The following PRKCA variants were observed in gnomAD, a reference collection of about 807,000 sequenced individuals.
The protein encoded by PRKCA is protein kinase C alpha type.
In PRKCA, 27 loss-of-function variants were observed where a neutral mutation model predicts 87.0. That is an observed-to-expected ratio of 0.31 (90% confidence interval 0.23 to 0.43). The LOEUF (loss-of-function observed/expected upper bound fraction) is 0.43, where lower values mean the gene tolerates loss of function less well. PRKCA is among the 20% of genes least tolerant of loss of function. PRKCA has a pLI of 1.00. For missense variants in PRKCA, 518 were observed against 852.3 expected (o/e 0.61, Z 4.88); for synonymous variants, 329 against 311.1 (o/e 1.06, Z -0.61).
chr17:66,415,349 T>C (rs1330497102), intron 2 of PRKCA: 2 of 152,188 alleles, frequency 1.3e-5, no homozygotes, highest in African/African-American at 4.8e-5. Context: ...AGGTTGATTC[T>C]GAATTGGCTC....
At chr17:66,779,158 G>A (rs776941830) in intron 14 of PRKCA, among the ~76,000 whole-genome samples, 1 of 152,206 alleles carries the variant, frequency 6.6e-6, no homozygotes, top group Non-Finnish European at 1.5e-5. Flanking sequence ...TAAGATTAAT[G>A]ATAAAGTCGT....
chr17:66,308,698 A>C (rs1351963745), intron 2 of PRKCA, among the ~76,000 whole-genome samples: 1 of 152,134 alleles, frequency 6.6e-6, no homozygotes, highest in African/African-American at 2.4e-5. Context: ...TCTAGTAGGC[A>C]TATGCTAGTC....
chr17:66,524,583 A>G (rs748326448), intron 3 of PRKCA, among the ~76,000 whole-genome samples: 2 of 152,162 alleles, frequency 1.3e-5, no homozygotes, highest in Non-Finnish European at 2.9e-5. Flanking sequence ...TAATTTTTCA[A>G]TCAGAACACC....
chr17:66,528,301 T>A (rs745790412), intron 3 of PRKCA, among the ~76,000 whole-genome samples: 6 of 150,974 alleles, frequency 4.0e-5, no homozygotes, highest in South Asian at 4.2e-4. Flanking sequence ...GGTATGTACA[T>A]GTGGTAGATA....
intron 11 of PRKCA, 54 bp from the exon 12 acceptor site, chr17:66,741,605 A>G (rs1317238678): frequency 8.3e-6 from 13 of 1,562,302 alleles, no homozygotes; most frequent in South Asian, 4.4e-5. Context: ...AATGTAAAGT[A>G]TACAGGCATC....
intron 3 of PRKCA, among the ~76,000 whole-genome samples, chr17:66,584,242 G>A (rs1006856919): frequency 6.6e-6 from 1 of 151,180 alleles, no homozygotes; most frequent in Non-Finnish European, 1.5e-5. Flanking sequence ...TTGTTTTTTC[G>A]ATGGAATCTC....
At chr17:66,702,401 A>C (rs980574463) in intron 8 of PRKCA, among the ~76,000 whole-genome samples, 1 of 152,128 alleles carries the variant, frequency 6.6e-6, no homozygotes, top group Non-Finnish European at 1.5e-5. Context: ...ACAGAATAGA[A>C]GTGTGGTTAC....
At chr17:66,467,885 A>C (rs2144000388) in intron 2 of PRKCA, among the ~76,000 whole-genome samples, 1 of 152,222 alleles carries the variant, frequency 6.6e-6, no homozygotes, top group South Asian at 2.1e-4. Flanking sequence ...ACAAAAACAA[A>C]AAATTAAAAA....
At chr17:66,715,480 T>C (rs1973450368) in intron 8 of PRKCA, among the ~76,000 whole-genome samples, 1 of 152,050 alleles carries the variant, frequency 6.6e-6, no homozygotes, top group East Asian at 1.9e-4. Flanking sequence ...CCTCACTGCC[T>C]CCCTTCCCCC....
chr17:66,782,292 TA>T (rs60097944), intron 14 of PRKCA, among the ~76,000 whole-genome samples: 27,027 of 150,368 alleles, frequency 0.18, 4,155 homozygotes, highest in African/African-American at 0.43. Context: ...TTATCACAAT[TA>T]AAAAAAAAAT....
rs150463434 is a variant in PRKCA, at chr17:66,804,528, G to A, written c.*491G>A. On this transcript the variant is annotated 3_prime_UTR_variant, in exon 17 of 17. Transcript: ENST00000413366. ...GGGGTGGGGGAGGCCTCAAAATACC[G>A]ACTGCGTCCATTCTCTGCCTCCATG... The A allele has an allele frequency of 1.1e-3, 172 of 153,566 alleles. No homozygotes were observed. The highest frequency in any genetic ancestry group is 0.011 in the East Asian group (57 of 5,188). 9.5% of individuals were successfully genotyped at this position (153,566 alleles called of 1,614,324 possible). A position where few individuals can be genotyped will look rare whatever the true frequency, so the allele number is the denominator to read the frequency against.
chr17:66,672,450 T>G (rs1032706931), intron 5 of PRKCA, among the ~76,000 whole-genome samples: 3 of 152,224 alleles, frequency 2.0e-5, no homozygotes, highest in African/African-American at 7.2e-5. Context: ...TGTGGTAAAC[T>G]TTTAGAGGAG....
At chr17:66,576,350 A>G (rs528923609) in intron 3 of PRKCA, among the ~76,000 whole-genome samples, 1 of 152,350 alleles carries the variant, frequency 6.6e-6, no homozygotes, top group South Asian at 2.1e-4. Context: ...CTGGCAAAGC[A>G]TAAAGAAGCT....
At chr17:66,690,144 C>A (rs1972740302) in intron 8 of PRKCA, among the ~76,000 whole-genome samples, 1 of 152,204 alleles carries the variant, frequency 6.6e-6, no homozygotes, top group Admixed American at 6.5e-5. Context: ...GAGAATGAAT[C>A]CCAAAGGATG....
At chr17:66,441,565 T>C (rs1367297278) in intron 2 of PRKCA, among the ~76,000 whole-genome samples, 1 of 152,166 alleles carries the variant, frequency 6.6e-6, no homozygotes, top group Non-Finnish European at 1.5e-5. Context: ...ACGACTCTCG[T>C]CTCAGAGCTG....
intron 8 of PRKCA, 126 bp from the exon 9 acceptor site, chr17:66,732,562 T>C: frequency 1.7e-6 from 2 of 1,172,366 alleles, no homozygotes; most frequent in African/African-American, 1.5e-5. Flanking sequence ...ATTCTCACCC[T>C]TTGTTCCTTT....
At chr17:66,578,185 T>C (rs945405442) in intron 3 of PRKCA, among the ~76,000 whole-genome samples, 3 of 151,718 alleles carry the variant, frequency 2.0e-5, no homozygotes, top group Non-Finnish European at 4.4e-5. Flanking sequence ...CCCTTTGATA[T>C]TTGCCTTTCA....
At chr17:66,415,554 C>A (rs1286096768) in intron 2 of PRKCA, 1 of 152,172 alleles carries the variant, frequency 6.6e-6, no homozygotes, top group Non-Finnish European at 1.5e-5. Flanking sequence ...AACCAAACGG[C>A]CAGATTTCTA....
chr17:66,342,358 G>T (rs1452478796), intron 2 of PRKCA, among the ~76,000 whole-genome samples: 1 of 151,672 alleles, frequency 6.6e-6, no homozygotes, highest in East Asian at 1.9e-4. Flanking sequence ...GGAGGCGGAG[G>T]TTGCAGTGAG....
Sources: allele counts gnomAD v4.1 joint callset (sites outside exome capture counted in the v4.1 genomes callset), GRCh38; gene constraint gnomAD v4.1.1; transcripts MANE v1.5; gene names NCBI Gene and HGNC (gene_info 2026-07-23, HGNC 2026-07-21).